TMEM201: variants seen among roughly 807,000 people sequenced by gnomAD.
TMEM201 encodes the protein RP13-15M17.2.
TMEM201 carries 26 observed loss-of-function variants against 63.4 expected under a neutral mutation model. That is an observed-to-expected ratio of 0.41 (90% CI 0.30 to 0.57). TMEM201 has a LOEUF of 0.57. Among genes scored for constraint, TMEM201 ranks in the 20% least tolerant of loss-of-function variants. The pLI, the probability that TMEM201 is intolerant of heterozygous loss-of-function variation, is 0.29. For synonymous variants in TMEM201, 417 were observed against 421.6 expected (o/e 0.99, Z 0.14); for missense variants, 794 against 917.7 (o/e 0.87, Z 1.74).
rs1557561918 is a variant in TMEM201 at position 9,608,995 on chromosome 1, C to T, written c.1394-845C>T. On this transcript the variant is annotated intron_variant, in intron 7 of 10. Transcript: ENST00000340381. The surrounding 1 kb of genome is among the most constrained non-coding windows in gnomAD (Gnocchi z 4.3). ...GCTTTGGCTCATGTATTCAGAGACG[C>T]GCTGGACCGGGCTCAGGTGCTGTGG... is the stretch of plus-strand genomic sequence containing the variant. 6.6e-6 allele frequency among the ~76,000 whole-genome samples: 1 copy of T among 152,152 alleles called. No individual in the cohort carries two copies. Among genetic ancestry groups the T allele is most frequent in the Non-Finnish European group, 1.5e-5 (1 of 68,028 alleles).
rs945406292 is a variant in TMEM201 at position 9,603,914 on chromosome 1, C to T, written c.1160+1642C>T. ...TGGAGCGTGAGGTGAGAAAACCCCTCTGAAAAGATGTGGTCGGGGCCACGC... is the reference window on the plus strand; with the variant it reads ...TGGAGCGTGAGGTGAGAAAACCCCTTTGAAAAGATGTGGTCGGGGCCACGC... On this transcript the variant is annotated intron_variant, in intron 6 of 10. Coordinates refer to ENST00000340381, the MANE Select transcript of TMEM201 (RefSeq NM_001130924.3). The surrounding 1 kb of genome is among the most constrained non-coding windows in gnomAD (Gnocchi z 4.5). 22 of 985,344 alleles carry T rather than the reference C, an allele frequency of 2.2e-5. No homozygotes were observed. The African/African-American group carries it at 3.8e-4, about 17-fold the overall frequency. 61.0% of individuals were successfully genotyped at this position (985,344 alleles called of 1,614,324 possible). A position where few individuals can be genotyped will look rare whatever the true frequency, so the allele number is the denominator to read the frequency against.
intron 7 of TMEM201, 52 bp from the exon 8 acceptor site, chr1:9,609,786 CCT>C: frequency 3.3e-6 from 5 of 1,502,464 alleles, no homozygotes; most frequent in Non-Finnish European, 4.5e-6. Flanking sequence ...TTTGTGGGGG[CCT>C]CTGCACGTCA....
rs775499345 is a variant in TMEM201, at chr1:9,601,335, C to T, written c.837C>T (p.Pro279=). 7 of 1,608,692 alleles carry T rather than the reference C, an allele frequency of 4.4e-6. No individual in the cohort carries two copies. The highest frequency in any genetic ancestry group is 1.7e-5 in the Admixed American group (1 of 60,022). The change falls in exon 5 of 11, where the codon CCC becomes CCT. Residue 279 remains proline (P), a synonymous_variant. Transcript: ENST00000340381. ...EGWRQLLGLL[P]EHMAEKLCEA... ...GGCGGCAGTTGCTGGGCCTACTCCC[C>T]GAGCACATGGCGGAGAAGCTGTGTG...
At position 9,603,045 on chromosome 1, in the gene TMEM201, G is replaced by A; in HGVS notation, c.1160+773G>A. 1 of 985,532 alleles carries A rather than the reference G, an allele frequency of 1.0e-6. No homozygotes were observed. The highest frequency in any genetic ancestry group is 1.2e-6 in the Non-Finnish European group (1 of 829,992). 61.0% of individuals were successfully genotyped at this position (985,532 alleles called of 1,614,324 possible). ...AGTAGGAGCCTGTGCTGACCTTGGGGAATCTGAGCTTTTCCAAGGGTAAGG... is the reference window on the plus strand; with the variant it reads ...AGTAGGAGCCTGTGCTGACCTTGGGAAATCTGAGCTTTTCCAAGGGTAAGG... On this transcript the variant is annotated intron_variant, in intron 6 of 10. Transcript: ENST00000340381. The surrounding 1 kb of genome is among the most constrained non-coding windows in gnomAD (Gnocchi z 4.5).
chr1:9,611,679 A>T, intron 9 of TMEM201, 74 bp from the exon 10 acceptor site: 2 of 1,539,136 alleles, frequency 1.3e-6, no homozygotes, highest in East Asian at 2.4e-5. Context: ...CTTAGAGTGG[A>T]AGTACAGCTG....
chr1:9,602,626 CT>C lies in TMEM201; in HGVS notation c.1160+355del. On this transcript the variant is annotated intron_variant, in intron 6 of 10. Transcript: ENST00000340381. ...CCTACTGGCAGCTCCAGGCACCCCC[CT>C]CTCACCACGCCGTTTGCTGGCTCTG... 5.8e-6 allele frequency: 7 copies of C among 1,204,036 alleles called. No homozygotes were observed. The South Asian group carries it at 1.2e-4, about 20-fold the overall frequency. 74.6% of individuals were successfully genotyped at this position (1,204,036 alleles called of 1,614,324 possible).
Position 9,591,356 on chromosome 1 carries a change from TCA to T in TMEM201, c.113+2314_113+2315del, listed in dbSNP as rs1349900974. Among the ~76,000 whole-genome samples, 6 of 152,366 alleles carry T rather than the reference TCA, an allele frequency of 3.9e-5. No individual in the cohort carries two copies. In the East Asian group the frequency reaches 1.2e-3, roughly 29 times the overall value. ...CAGGGCCCTGCCTCGCACCAGAACT[TCA>T]GCTTGTCAGCCCAGCTTCAACCTCT... On this transcript the variant is annotated intron_variant, in intron 1 of 10. Coordinates refer to ENST00000340381, the MANE Select transcript of TMEM201 (RefSeq NM_001130924.3).
At position 9,613,954 on chromosome 1, in the gene TMEM201, C is replaced by G. The variant is rs893496723; in HGVS notation, c.*871C>G. On this transcript the variant is annotated 3_prime_UTR_variant, in exon 11 of 11. Transcript: ENST00000340381. ...TGCCTCCAGCCCCTGAGAACTCCAT[C>G]TTCCCCTAGTTCTGCCCAGGAGCCC... 1.3e-5 allele frequency: 2 copies of G among 152,410 alleles called. No individual in the cohort carries two copies. The highest frequency in any genetic ancestry group is 2.9e-5 in the Non-Finnish European group (2 of 68,190). The allele number at this position is 152,410 out of a possible 1,614,324, so 9.4% of individuals were successfully genotyped here.
Position 9,595,952 on chromosome 1 carries a change from A to G in TMEM201, c.176A>G (p.Tyr59Cys), listed in dbSNP as rs376393330. 3.0e-5 allele frequency: 49 copies of G among 1,613,520 alleles called. No homozygotes were observed. The African/African-American group carries it at 3.9e-4, about 13-fold the overall frequency. Residue 59 changes from tyrosine to cysteine, a missense_variant, in exon 2 of 11, where the codon TAT (tyrosine) becomes TGT (cysteine). Tyr to Cys is a radical substitution (Grantham distance 194). Transcript: ENST00000340381. ...TGCAACCAGGATACGCTGGTGCCCT[A>G]TGGGAACCGCAACTGCTGGGACTGT... is the stretch of plus-strand genomic sequence containing the variant. ...WFCNQDTLVP[Y>C]GNRNCWDCPH... is the part of the protein sequence containing the mutation.
At chr1:9,609,581 T>C (rs1156809590) in intron 7 of TMEM201, among the ~76,000 whole-genome samples, 1 of 152,144 alleles carries the variant, frequency 6.6e-6, no homozygotes, top group Non-Finnish European at 1.5e-5. Context: ...CTGATCTGCC[T>C]ACCTCAGCCT....
chr1:9,611,088 A>G, intron 9 of TMEM201: 1 of 1,493,392 alleles, frequency 6.7e-7, no homozygotes. Flanking sequence ...GTGTGGCCAC[A>G]GATAGTTTCA....
At position 9,610,789 on chromosome 1, in the gene TMEM201, C is replaced by T. The variant is rs778922168; in HGVS notation, c.1749C>T (p.Asp583=). The T allele has an allele frequency of 2.9e-5, 44 of 1,542,884 alleles. No homozygotes were observed. The South Asian group carries it at 4.2e-4, about 15-fold the overall frequency. ...PHVPRKPPLQ[D]VKHALDLRSK... ...TTCCCCGGAAGCCGCCCCTGCAGGA[C>T]GTGAAGCACGCCCTGGGTACGGCCT... Residue 583 remains aspartate, a synonymous_variant, in exon 9 of 11, where the codon GAC becomes GAT. Coordinates refer to ENST00000340381, the MANE Select transcript of TMEM201 (RefSeq NM_001130924.3). This position sits in a 1 kb window ranked among gnomAD's most constrained non-coding sequence, Gnocchi z 4.9.
chr1:9,590,094 G>T (rs957659463), intron 1 of TMEM201, among the ~76,000 whole-genome samples: 3 of 152,226 alleles, frequency 2.0e-5, no homozygotes, highest in African/African-American at 4.8e-5. Context: ...GAAGGCATGG[G>T]AGGGACATCA....
rs2100498289 is a variant in TMEM201 at position 9,603,037 on chromosome 1, A to G, written c.1160+765A>G. On this transcript the variant is annotated intron_variant, in intron 6 of 10. Coordinates refer to ENST00000340381, the MANE Select transcript of TMEM201 (RefSeq NM_001130924.3). The surrounding 1 kb of genome is among the most constrained non-coding windows in gnomAD (Gnocchi z 4.5). ...AGACAGGCAGTAGGAGCCTGTGCTG[A>G]CCTTGGGGAATCTGAGCTTTTCCAA... is the stretch of plus-strand genomic sequence containing the variant. 1.0e-6 allele frequency: 1 copy of G among 985,416 alleles called. No homozygotes were observed. The highest frequency in any genetic ancestry group is 6.1e-5 in the Admixed American group (1 of 16,294). The allele number at this position is 985,416 out of a possible 1,614,324, so 61.0% of individuals were successfully genotyped here. A position where few individuals can be genotyped will look rare whatever the true frequency, so the allele number is the denominator to read the frequency against.
At position 9,589,036 on chromosome 1, in the gene TMEM201, G is replaced by A; in HGVS notation, c.106G>A (p.Ala36Thr). 8.8e-7 allele frequency: 1 copy of A among 1,130,270 alleles called. No homozygotes were observed. The highest frequency in any genetic ancestry group is 1.1e-6 in the Non-Finnish European group (1 of 920,530). The allele number at this position is 1,130,270 out of a possible 1,614,324, so 70.0% of individuals were successfully genotyped here. The change falls in exon 1 of 11, where the codon GCG (alanine) becomes ACG (threonine). Residue 36 changes from alanine (A) to threonine (T), a missense_variant. Coordinates refer to ENST00000340381, the MANE Select transcript of TMEM201 (RefSeq NM_001130924.3). ...GGCCGGCGTGTTGCTCTACCGGATC[G>A]CGCGGAGGTGAGTGCATGGTTCGGC... ...AAAGVLLYRI[A>T]RRMKPTHTMV...
chr1:9,597,226 G>A (rs1313753262), intron 3 of TMEM201, among the ~76,000 whole-genome samples, 173 bp downstream of exon 3: 1 of 152,254 alleles, frequency 6.6e-6, no homozygotes, highest in Non-Finnish European at 1.5e-5. Flanking sequence ...GCCACTGCCA[G>A]CACATTCCAG....
intron 7 of TMEM201, 90 bp from the exon 8 acceptor site, chr1:9,609,750 G>C: frequency 7.8e-7 from 1 of 1,285,178 alleles, no homozygotes; most frequent in Non-Finnish European, 1.1e-6. Context: ...AAAGAGCAAA[G>C]GCTGGATTGG....
chr1:9,604,113 G>A lies in TMEM201; in HGVS notation c.1160+1841G>A, dbSNP rs1327508441. ...AGCCAGGACGGGAAAGCGTCCTGTCGGCTGGCCATGCTGTTGCTTGCGTCT... is the reference window on the plus strand; with the variant it reads ...AGCCAGGACGGGAAAGCGTCCTGTCAGCTGGCCATGCTGTTGCTTGCGTCT... On this transcript the variant is annotated intron_variant, in intron 6 of 10. Coordinates refer to ENST00000340381, the MANE Select transcript of TMEM201 (RefSeq NM_001130924.3). This position sits in a 1 kb window ranked among gnomAD's most constrained non-coding sequence, Gnocchi z 4.1. 9.1e-6 allele frequency: 9 copies of A among 985,456 alleles called. No homozygotes were observed. The highest frequency in any genetic ancestry group is 4.7e-5 in the South Asian group (1 of 21,284). The allele number at this position is 985,456 out of a possible 1,614,324, so 61.0% of individuals were successfully genotyped here. A position where few individuals can be genotyped will look rare whatever the true frequency, so the allele number is the denominator to read the frequency against.
At position 9,607,534 on chromosome 1, in the gene TMEM201, C is replaced by T; in HGVS notation, c.1161-23C>T. ...ACCTCCCGCTGACCCTCTTCTTGTC[C>T]CGTGCCTGACGGGCCCTTGCAGGTT... is the stretch of plus-strand genomic sequence containing the variant. On this transcript the variant is annotated intron_variant, in intron 6 of 10. Coordinates refer to ENST00000340381, the MANE Select transcript of TMEM201 (RefSeq NM_001130924.3). The surrounding 1 kb of genome is among the most constrained non-coding windows in gnomAD (Gnocchi z 5.4). The T allele has an allele frequency of 6.5e-7, 1 of 1,528,282 alleles. No homozygotes were observed. Among genetic ancestry groups the T allele is most frequent in the Non-Finnish European group, 8.8e-7 (1 of 1,133,008 alleles). 94.7% of individuals were successfully genotyped at this position (1,528,282 alleles called of 1,614,324 possible).
Sources: gnomAD v4.1 joint callset for allele counts (sites outside exome capture counted in the v4.1 genomes callset) on GRCh38, gnomAD v4.1.1 for gene constraint, Gnocchi (gnomAD v3.1) non-coding constraint, MANE v1.5 for transcripts, NCBI Gene and HGNC (gene_info 2026-07-23, HGNC 2026-07-21) for gene names.